Variants in CEP128 observed in about 807,000 individuals in gnomAD.
CEP128 encodes centrosomal protein 128.
Under a neutral mutation model 156.7 loss-of-function variants are expected in CEP128, and 132 were observed. That is an observed-to-expected ratio of 0.84 (90% CI 0.73 to 0.97). The LOEUF (loss-of-function observed/expected upper bound fraction) is 0.97. Ranked by LOEUF, CEP128 falls within the 50% of genes least tolerant of loss-of-function variation. The pLI is 0.00. For missense variants in CEP128, 1,252 were observed against 1,281.9 expected, an observed-to-expected ratio of 0.98 and a Z score of 0.36; for synonymous variants, 469 against 448.9, an observed-to-expected ratio of 1.04 and a Z score of -0.57.
chr14:80,791,736 C>T (rs1000376983), intron 14 of CEP128, among the ~76,000 whole-genome samples: 4 of 152,172 alleles, frequency 2.6e-5, no homozygotes, highest in African/African-American at 9.6e-5. Flanking sequence ...AAAAGCAATC[C>T]ACAGTGAGTG....
At chr14:80,672,658 C>T (rs576314846) in intron 19 of CEP128, among the ~76,000 whole-genome samples, 1 of 152,264 alleles carries the variant, frequency 6.6e-6, no homozygotes, top group Admixed American at 6.5e-5. Context: ...TAAATAAAGA[C>T]ACATATACAT....
downstream of CEP128, among the ~76,000 whole-genome samples, chr14:80,492,642 G>C (rs150894359): frequency 2.2e-3 from 328 of 152,256 alleles, no homozygotes; most frequent in Non-Finnish European, 3.4e-3. Context: ...CATTATTGGT[G>C]AAGTGTCTTG....
chr14:80,856,640 TA>T (rs1887174534), intron 9 of CEP128, among the ~76,000 whole-genome samples: 1 of 150,210 alleles, frequency 6.7e-6, no homozygotes. Context: ...CCCTGCCTCA[TA>T]AAAGTGCTCT....
intron 18 of CEP128, among the ~76,000 whole-genome samples, chr14:80,754,838 C>T (rs529293346): frequency 1.3e-5 from 2 of 152,264 alleles, no homozygotes; most frequent in South Asian, 2.1e-4. Context: ...TTCCATTAAG[C>T]TGAAGAAAAC....
chr14:80,484,079 C>T (rs10131256), intron 14 of CEP128, among the ~76,000 whole-genome samples: 74,015 of 151,734 alleles, frequency 0.49, 19,009 homozygotes, highest in East Asian at 0.69. Flanking sequence ...AGGGCTCAAG[C>T]GATCCTCTCA....
At chr14:80,937,900 A>ATTT (rs11453759) in intron 2 of CEP128, among the ~76,000 whole-genome samples, 1 of 147,208 alleles carries the variant, frequency 6.8e-6, no homozygotes. Flanking sequence ...AATCCTAAGA[A>ATTT]TTTTTTTTTT....
At chr14:80,934,684 T>C (rs1885683037) in intron 2 of CEP128, among the ~76,000 whole-genome samples, 1 of 152,234 alleles carries the variant, frequency 6.6e-6, no homozygotes, top group Non-Finnish European at 1.5e-5. Context: ...TTTTTGCAAA[T>C]GAAGAACTAC....
intron 19 of CEP128, among the ~76,000 whole-genome samples, chr14:80,588,502 T>C (rs143574955): frequency 3.3e-5 from 5 of 152,102 alleles, no homozygotes; most frequent in Admixed American, 3.3e-4. Context: ...AAGGTATATA[T>C]GATATACATA....
At chr14:80,663,782 C>G (rs1313532848) in intron 19 of CEP128, among the ~76,000 whole-genome samples, 1 of 152,176 alleles carries the variant, frequency 6.6e-6, no homozygotes, top group African/African-American at 2.4e-5. Context: ...CTGCAGAGCC[C>G]AATTATAATC....
chr14:80,828,123 C>CT (rs1008856396), intron 13 of CEP128, among the ~76,000 whole-genome samples: 4,614 of 126,948 alleles, frequency 0.036, 135 homozygotes, highest in African/African-American at 0.062. Flanking sequence ...CTTCTTTTTT[C>CT]TTTTTTTTTT....
chr14:80,916,102 G>C (rs1408502322), intron 3 of CEP128, among the ~76,000 whole-genome samples: 1 of 152,158 alleles, frequency 6.6e-6, no homozygotes, highest in East Asian at 1.9e-4. Flanking sequence ...TTGAAGATGA[G>C]GGAAGGCAGC....
chr14:80,876,997 CAATTAAATACAA>C (rs1399427120), intron 8 of CEP128, among the ~76,000 whole-genome samples: 1 of 152,026 alleles, frequency 6.6e-6, no homozygotes, highest in Admixed American at 6.6e-5. Flanking sequence ...TTCTAAGGCT[CAATTAAATACAA>C]AATTAAATAA....
chr14:80,503,263 T>C (rs1359789964), intron 24 of CEP128, among the ~76,000 whole-genome samples: 1 of 152,220 alleles, frequency 6.6e-6, no homozygotes, highest in Non-Finnish European at 1.5e-5. Flanking sequence ...CTCTTGATGA[T>C]ATATTTTCCT....
At chr14:80,858,515 G>A (rs1566675352) in intron 9 of CEP128, among the ~76,000 whole-genome samples, 2 of 118,178 alleles carry the variant, frequency 1.7e-5, no homozygotes, top group Non-Finnish European at 3.4e-5. Context: ...AACACCAAAA[G>A]CAATGGCAAC....
chr14:80,742,591 C>T (rs185385561), intron 19 of CEP128, among the ~76,000 whole-genome samples: 6 of 152,240 alleles, frequency 3.9e-5, no homozygotes, highest in Admixed American at 2.0e-4. Context: ...ATGATTACAA[C>T]GTTCTAATAT....
intron 7 of CEP128, among the ~76,000 whole-genome samples, chr14:80,899,523 A>G (rs1247362680): frequency 1.3e-5 from 2 of 152,216 alleles, no homozygotes; most frequent in East Asian, 1.9e-4. Context: ...ACTAAAAGCT[A>G]AAGTATTGGA....
intron 21 of CEP128, among the ~76,000 whole-genome samples, chr14:80,550,139 A>C (rs538677967): frequency 2.0e-5 from 3 of 152,246 alleles, no homozygotes; most frequent in Non-Finnish European, 2.9e-5. Flanking sequence ...TTGAGTATAT[A>C]TTTTTCTCTA....
At chr14:80,655,714 G>A (rs565381168) in intron 19 of CEP128, among the ~76,000 whole-genome samples, 123 of 152,176 alleles carry the variant, frequency 8.1e-4, no homozygotes, top group Non-Finnish European at 1.4e-3. Flanking sequence ...GGATTGTTTC[G>A]CTGGTAGAAA....
chr14:80,638,759 T>C (rs1894294941), intron 19 of CEP128, among the ~76,000 whole-genome samples: 1 of 152,208 alleles, frequency 6.6e-6, no homozygotes, highest in Admixed American at 6.5e-5. Flanking sequence ...TAAATCTTTC[T>C]ATTGCCATCA....
Sources: allele counts gnomAD v4.1 joint callset (sites outside exome capture counted in the v4.1 genomes callset), GRCh38; gene constraint gnomAD v4.1.1; transcripts MANE v1.5; gene names NCBI Gene and HGNC (gene_info 2026-07-23, HGNC 2026-07-21).